The following MBP variants were observed in gnomAD, a reference collection of about 807,000 sequenced individuals.
MBP encodes Golli-MBP.
A neutral mutation model predicts 35.8 loss-of-function variants in MBP; 16 were observed. The ratio of observed to expected loss-of-function variants is 0.45; its 90% CI spans 0.30 to 0.68. The LOEUF (loss-of-function observed/expected upper bound fraction) is 0.68, where lower values mean the gene tolerates loss of function less well. Among genes scored for constraint, MBP ranks in the 30% least tolerant of loss-of-function variants. The pLI, the probability that MBP is intolerant of heterozygous loss-of-function variation, is 0.08. For missense variants in MBP, 380 were observed against 404.7 expected (o/e 0.94, Z 0.52); for synonymous variants, 143 against 159.6 (o/e 0.90, Z 0.78).
rs551976396 is a variant in MBP at position 77,057,973 on chromosome 18, C to T, written c.139+8325G>A. The stretch of plus-strand genomic sequence containing the variant: ...TCCCGAGTAGCTGGGACTACAGGCG[C>T]CCGCCACTACGCCCGGCTAATTTTT... On this transcript the variant is annotated intron_variant, in intron 3 of 8. Coordinates refer to ENST00000355994, the MANE Select transcript of MBP (RefSeq NM_001025101.2). Among the ~76,000 whole-genome samples, 41 of 64,570 alleles carry T rather than the reference C, an allele frequency of 6.3e-4. 14 individuals are homozygous for T. The highest frequency in any genetic ancestry group is 4.5e-3 in the Admixed American group (31 of 6,814). 42.4% of individuals were successfully genotyped at this position (64,570 alleles called of 152,430 possible).
intron 3 of MBP, among the ~76,000 whole-genome samples, chr18:77,024,715 G>A (rs990435538): frequency 3.3e-5 from 5 of 152,240 alleles, no homozygotes; most frequent in African/African-American, 7.2e-5. Flanking sequence ...GGCCAGGGCC[G>A]GAGGTCTGGG....
chr18:77,112,595 C>G (rs1300588561), intron 1 of MBP: 3 of 152,312 alleles, frequency 2.0e-5, no homozygotes, highest in African/African-American at 7.2e-5. Context: ...CCTGTGGACT[C>G]TGTCCCACCC....
chr18:77,100,107 G>T (rs113081345), intron 2 of MBP, among the ~76,000 whole-genome samples: 1 of 152,182 alleles, frequency 6.6e-6, no homozygotes, highest in Non-Finnish European at 1.5e-5. Flanking sequence ...GCCTCACAAC[G>T]TGACTGCATT....
At chr18:77,129,584 C>T (rs1201005121) in intron 1 of MBP, among the ~76,000 whole-genome samples, 1 of 152,204 alleles carries the variant, frequency 6.6e-6, no homozygotes, top group African/African-American at 2.4e-5. Flanking sequence ...GAGACTATTC[C>T]AGCTACTCGC....
At chr18:77,039,828 G>A (rs1168081361) in intron 3 of MBP, among the ~76,000 whole-genome samples, 1 of 152,210 alleles carries the variant, frequency 6.6e-6, no homozygotes, top group Non-Finnish European at 1.5e-5. Context: ...GGAACAGAAG[G>A]GAAACGCAGG....
At chr18:77,056,904 G>A (rs113555211) in intron 3 of MBP, among the ~76,000 whole-genome samples, 36 of 152,238 alleles carry the variant, frequency 2.4e-4, no homozygotes, top group African/African-American at 7.0e-4. Flanking sequence ...CAGCTCTCAG[G>A]AGAGGCTGCC....
At chr18:77,064,139 T>C (rs1392257025) in intron 3 of MBP, among the ~76,000 whole-genome samples, 1 of 152,244 alleles carries the variant, frequency 6.6e-6, no homozygotes, top group Non-Finnish European at 1.5e-5. Context: ...GTAGCTGAAA[T>C]GTATGAGTAA....
In MBP at chr18:77,020,780, A is replaced by G. The variant is rs1420295609; in HGVS notation, c.140-3512T>C. On this transcript the variant is annotated intron_variant, in intron 3 of 8. Transcript: ENST00000355994. This position sits in a 1 kb window ranked among gnomAD's most constrained non-coding sequence, Gnocchi z 4.1. ...AGCGAACCACCCTCCCGGTTAGGGC[A>G]TGGTGGGTGGGAGCACTCTGGAAAC... 6.6e-6 allele frequency among the ~76,000 whole-genome samples: 1 copy of G among 152,210 alleles called. No individual in the cohort carries two copies. Among genetic ancestry groups the G allele is most frequent in the Non-Finnish European group, 1.5e-5 (1 of 68,038 alleles).
At chr18:77,037,033 G>A (rs1972802677) in intron 3 of MBP, among the ~76,000 whole-genome samples, 1 of 144,342 alleles carries the variant, frequency 6.9e-6, no homozygotes, top group East Asian at 2.1e-4. Flanking sequence ...GGAGGACTGA[G>A]CTGAGTAAGT....
intron 2 of MBP, among the ~76,000 whole-genome samples, chr18:77,082,904 A>T (rs1479800583): frequency 9.8e-6 from 1 of 102,110 alleles, no homozygotes; most frequent in Non-Finnish European, 2.1e-5. Flanking sequence ...AAATGTGGGG[A>T]ATTAACATTT....
At chr18:77,105,406 A>G (rs147298596) in intron 1 of MBP, 120 bp from the exon 2 acceptor site, 8,646 of 587,214 alleles carry the variant, frequency 0.015, 101 homozygotes, top group South Asian at 0.023. Flanking sequence ...AGAAGACGAA[A>G]CCAAGGCCCT....
chr18:77,112,044 CTG>C (rs1342474858), intron 1 of MBP, among the ~76,000 whole-genome samples: 1 of 152,144 alleles, frequency 6.6e-6, no homozygotes, highest in Non-Finnish European at 1.5e-5. Context: ...GCACTGAAGA[CTG>C]TGTTCTGCAA....
intron 4 of MBP, among the ~76,000 whole-genome samples, chr18:76,993,743 G>A (rs963333568): frequency 3.3e-5 from 5 of 152,132 alleles, no homozygotes; most frequent in African/African-American, 9.7e-5. Context: ...GGCCACTGGC[G>A]CTCTGCCTGT....
chr18:77,108,218 G>A (rs1376803483), intron 1 of MBP: 1 of 152,232 alleles, frequency 6.6e-6, no homozygotes, highest in Non-Finnish European at 1.5e-5. Context: ...CCTGGCAGCT[G>A]GTTTCTGTAA....
intron 4 of MBP, chr18:77,009,823 T>C (rs1334113490): frequency 5.8e-6 from 9 of 1,550,848 alleles, no homozygotes; most frequent in South Asian, 2.4e-5. Context: ...CTGGCCCCGA[T>C]GGGTGAGGAC....
intron 2 of MBP, among the ~76,000 whole-genome samples, chr18:77,074,317 T>C (rs1041123843): frequency 1.6e-4 from 24 of 150,888 alleles, no homozygotes; most frequent in African/African-American, 5.6e-4. Context: ...TGAGCCCCGG[T>C]CTCAAGGGGG....
At chr18:77,074,835 T>C (rs1299114234) in intron 2 of MBP, among the ~76,000 whole-genome samples, 2 of 152,192 alleles carry the variant, frequency 1.3e-5, no homozygotes, top group Non-Finnish European at 2.9e-5. Flanking sequence ...CTCTGTCTAA[T>C]ATGCAGTGCA....
chr18:77,089,280 G>T (rs2145005883), intron 2 of MBP, among the ~76,000 whole-genome samples: 1 of 152,348 alleles, frequency 6.6e-6, no homozygotes, highest in Non-Finnish European at 1.5e-5. Flanking sequence ...ACCTCACCTG[G>T]CCAGTGTCAG....
intron 3 of MBP, among the ~76,000 whole-genome samples, chr18:77,025,545 A>C (rs192650245): frequency 1.4e-4 from 22 of 152,250 alleles, no homozygotes; most frequent in Non-Finnish European, 5.9e-5. Context: ...TGTTACCTCC[A>C]ACAGTATGAA....
Sources: gnomAD v4.1 joint callset for allele counts (sites outside exome capture counted in the v4.1 genomes callset) on GRCh38, gnomAD v4.1.1 for gene constraint, Gnocchi (gnomAD v3.1) non-coding constraint, MANE v1.5 for transcripts, NCBI Gene and HGNC (gene_info 2026-07-23, HGNC 2026-07-21) for gene names.